The following MORN1 variants were observed in gnomAD, a reference collection of about 807,000 sequenced individuals.
MORN1 encodes the protein MORN repeat containing 1, also known as MORN repeat-containing protein 1.
A neutral mutation model predicts 61.9 loss-of-function variants in MORN1; 67 were observed. That is an observed-to-expected ratio of 1.08 (90% CI 0.89 to 1.33). MORN1 has a LOEUF of 1.33. Among genes scored for constraint, MORN1 ranks in the 40% most tolerant of loss-of-function variants. The pLI, the probability that MORN1 is intolerant of heterozygous loss-of-function variation, is 0.00. For missense variants in MORN1, 752 were observed against 691.2 expected, an observed-to-expected ratio of 1.09 and a Z score of -0.99; for synonymous variants, 301 against 292.0, an observed-to-expected ratio of 1.03 and a Z score of -0.31.
chr1:2,327,338 A>C (rs1569911589), intron 12 of MORN1, among the ~76,000 whole-genome samples: 1 of 133,904 alleles, frequency 7.5e-6, no homozygotes, highest in African/African-American at 2.7e-5. Flanking sequence ...ACAGAAACAC[A>C]CAGACAGAAA....
intron 8 of MORN1, among the ~76,000 whole-genome samples, chr1:2,366,243 C>T (rs4571912): frequency 0.31 from 45,614 of 148,668 alleles, 7,582 homozygotes; most frequent in South Asian, 0.44. Flanking sequence ...AACCAAACAC[C>T]GCATATTCTC....
Position 2,385,908 on chromosome 1 carries a change from G to T in MORN1, c.359-11C>A. 1 of 1,612,616 alleles carries T rather than the reference G, an allele frequency of 6.2e-7. No individual in the cohort carries two copies. The highest frequency in any genetic ancestry group is 8.5e-7 in the Non-Finnish European group (1 of 1,178,866). ...CCAGAAACCCGTGTCCTGGAGAAGG[G>T]ACCGAGAGACAGACTTGGCTTTGTG... On this transcript the variant is annotated splice_polypyrimidine_tract_variant and intron_variant, in intron 4 of 13. Coordinates refer to ENST00000378531, the MANE Select transcript of MORN1 (RefSeq NM_024848.3).
At chr1:2,383,624 C>T (rs899763654) in intron 6 of MORN1, among the ~76,000 whole-genome samples, 3 of 152,250 alleles carry the variant, frequency 2.0e-5, no homozygotes, top group East Asian at 1.9e-4. Flanking sequence ...CTCCTCTCCA[C>T]GGCCACAGCA....
intron 10 of MORN1, among the ~76,000 whole-genome samples, chr1:2,353,020 A>C (rs576848464): frequency 1.3e-5 from 2 of 152,300 alleles, no homozygotes; most frequent in East Asian, 3.9e-4. Flanking sequence ...CAGAGGTGGA[A>C]ACTTGAGGCT....
intron 6 of MORN1, chr1:2,377,117 A>C (rs1642257723): frequency 6.6e-6 from 1 of 152,052 alleles, no homozygotes; most frequent in African/African-American, 2.4e-5. Flanking sequence ...CCACCTGCTC[A>C]CCCTCCTCCT....
At chr1:2,343,307 C>T (rs748429778) in intron 10 of MORN1, among the ~76,000 whole-genome samples, 15 of 152,202 alleles carry the variant, frequency 9.9e-5, no homozygotes, top group Non-Finnish European at 1.5e-4. Context: ...GCCCGCTCCT[C>T]GCCTCCAGGA....
At chr1:2,355,554 A>C (rs772595273) in intron 10 of MORN1, 114 of 1,423,510 alleles carry the variant, frequency 8.0e-5, no homozygotes, top group Non-Finnish European at 7.1e-5. Context: ...ACGGGCATGG[A>C]GGTGGCCCTG....
intron 6 of MORN1, among the ~76,000 whole-genome samples, chr1:2,380,396 T>C (rs1249519140): frequency 1.3e-5 from 2 of 152,170 alleles, no homozygotes; most frequent in Non-Finnish European, 2.9e-5. Context: ...TCCCAGCCCT[T>C]TGGGGGCCAA....
intron 12 of MORN1, chr1:2,326,131 T>C (rs1405284131): frequency 6.6e-6 from 1 of 152,084 alleles, no homozygotes; most frequent in African/African-American, 2.4e-5. Context: ...AGCCAAGGGC[T>C]CCTTGACTCT....
intron 6 of MORN1, among the ~76,000 whole-genome samples, 163 bp downstream of exon 6, chr1:2,384,815 T>C (rs1204186694): frequency 6.6e-6 from 1 of 152,206 alleles, no homozygotes; most frequent in Non-Finnish European, 1.5e-5. Context: ...AACAGGGAAC[T>C]GTGAGGGGAG....
At chr1:2,380,041 G>A (rs1222008373) in intron 6 of MORN1, among the ~76,000 whole-genome samples, 1 of 152,188 alleles carries the variant, frequency 6.6e-6, no homozygotes, top group Non-Finnish European at 1.5e-5. Context: ...GTGGTGGGGG[G>A]TGCGGGCCCG....
chr1:2,322,720 G>T, intron 13 of MORN1: 4 of 985,490 alleles, frequency 4.1e-6, no homozygotes, highest in Non-Finnish European at 3.6e-6. Context: ...CCGGTTTCTA[G>T]GTGTTCCCAG....
At chr1:2,348,614 GGCAGGCACGCACGCACACACGCACCTGC>G (rs1465643391) in intron 10 of MORN1, among the ~76,000 whole-genome samples, 1 of 142,842 alleles carries the variant, frequency 7.0e-6, no homozygotes, top group African/African-American at 2.4e-5. Flanking sequence ...CGTGCACCTA[GGCAGGCACGCACGCACACACGCACCTGC>G]GCAGGCACGC....
In MORN1 at chr1:2,357,632, A is replaced by C; in HGVS notation, c.870-34T>G. ...GAATGGGGGCAGCTTGGCTCTACTC[A>C]CCCCACACCAAACTAGGGTGCAGGC... On this transcript the variant is annotated intron_variant, in intron 9 of 13. Transcript: ENST00000378531. The surrounding 1 kb of genome is among the most constrained non-coding windows in gnomAD (Gnocchi z 6.3). The C allele has an allele frequency of 6.5e-7, 1 of 1,546,070 alleles. No individual in the cohort carries two copies. Among genetic ancestry groups the C allele is most frequent in the East Asian group, 2.3e-5 (1 of 43,266 alleles).
intron 6 of MORN1, chr1:2,375,254 CTCTGGCAGGAGCCAAGTGGGCTCCT>C (rs1642208041): frequency 6.6e-6 from 1 of 152,230 alleles, no homozygotes; most frequent in African/African-American, 2.4e-5. Context: ...TCTGTTCACT[CTCTGGCAGGAGCCAAGTGGGCTCCT>C]GCTTCCCTGC....
Position 2,336,495 on chromosome 1 carries a change from C to T in MORN1, c.1224G>A (p.Thr408=), listed in dbSNP as rs765531127. The T allele has an allele frequency of 2.9e-5, 46 of 1,612,482 alleles. No individual in the cohort carries two copies. The East Asian group carries it at 5.3e-4, about 19-fold the overall frequency. The change falls in exon 12 of 14, where the codon ACG becomes ACA. Residue 408 remains threonine, a synonymous_variant. Coordinates refer to ENST00000378531, the MANE Select transcript of MORN1 (RefSeq NM_024848.3). ...TGCTGCCTCCAGGAGGCTCCTGTGCCGTGGGTGGTGTCCCCCTGGGGTGCA... is the reference window on the plus strand; with the variant it reads ...TGCTGCCTCCAGGAGGCTCCTGTGCTGTGGGTGGTGTCCCCCTGGGGTGCA... The part of the protein sequence containing the change: ...GGLHPRGTPP[T]AQEPPGGSRP...
chr1:2,368,520 G>T (rs137986665), intron 8 of MORN1, among the ~76,000 whole-genome samples: 1 of 152,198 alleles, frequency 6.6e-6, no homozygotes, highest in South Asian at 2.1e-4. Flanking sequence ...GGCATGATGC[G>T]TTGGTGGGCG....
chr1:2,343,459 G>C (rs1267688401), intron 10 of MORN1, among the ~76,000 whole-genome samples: 1 of 152,192 alleles, frequency 6.6e-6, no homozygotes, highest in Admixed American at 6.5e-5. Flanking sequence ...TGTGGGGCAG[G>C]CCCCTCATCT....
rs1183430357 is a variant in MORN1, at chr1:2,337,246, C to T, written c.1037-396G>A. 1.3e-5 allele frequency among the ~76,000 whole-genome samples: 2 copies of T among 152,328 alleles called. No individual in the cohort carries two copies. The highest frequency in any genetic ancestry group is 1.9e-4 in the East Asian group (1 of 5,184). On this transcript the variant is annotated intron_variant, in intron 10 of 13. Transcript: ENST00000378531. The surrounding 1 kb of genome is among the most constrained non-coding windows in gnomAD (Gnocchi z 5.7). ...GGCGCTCAACAGTACAGCTGTGTGC[C>T]CTCCTCGGAGCGCAGCATGAGGAGG...
Sources: allele counts gnomAD v4.1 joint callset (sites outside exome capture counted in the v4.1 genomes callset), GRCh38; gene constraint gnomAD v4.1.1; non-coding constraint Gnocchi (gnomAD v3.1); transcripts MANE v1.5; gene names NCBI Gene and HGNC (gene_info 2026-07-23, HGNC 2026-07-21).